Variants in DHRSX observed in about 807,000 individuals in gnomAD.
DHRSX encodes polyprenol dehydrogenase.
In DHRSX, 31 loss-of-function variants were observed where a neutral mutation model predicts 34.0. The ratio of observed to expected loss-of-function variants is 0.91; its 90% CI spans 0.69 to 1.23. The LOEUF (loss-of-function observed/expected upper bound fraction) is 1.23, where lower values mean the gene tolerates loss of function less well. Ranked by LOEUF, DHRSX falls within the 50% of genes most tolerant of loss-of-function variation. The probability of loss-of-function intolerance (pLI) is 0.00; values close to 1 mark genes in which losing one functional copy is unlikely to be tolerated. For missense variants in DHRSX, 414 were observed against 428.1 expected, an observed-to-expected ratio of 0.97 and a Z score of 0.29; for synonymous variants, 201 against 183.8, an observed-to-expected ratio of 1.09 and a Z score of -0.76.
At chrX:2,488,565 G>T (rs2045012510) in intron 1 of DHRSX, 2 of 1,507,762 alleles carry the variant, frequency 1.3e-6, no homozygotes, top group Admixed American at 2.3e-5. Context: ...AAGCTGACCG[G>T]GTAAGTATTT....
At chrX:2,484,510 C>G (rs145674561) in intron 1 of DHRSX, among the ~76,000 whole-genome samples, 2 of 152,182 alleles carry the variant, frequency 1.3e-5, no homozygotes. Flanking sequence ...CAGAAAGGAA[C>G]TCATGCAGTT....
chrX:2,224,728 A>G (rs1396699671), intron 6 of DHRSX, among the ~76,000 whole-genome samples: 1 of 152,112 alleles, frequency 6.6e-6, no homozygotes, highest in Admixed American at 6.6e-5. Context: ...ATACTCATGC[A>G]TACGCACACA....
Position 2,346,097 on chromosome X carries a change from C to G in DHRSX, c.287-54494G>C, listed in dbSNP as rs751096956. Among the ~76,000 whole-genome samples the G allele has an allele frequency of 2.6e-5, 4 of 152,252 alleles. No individual in the cohort carries two copies. In the South Asian group the frequency reaches 8.3e-4, roughly 32 times the overall value. On this transcript the variant is annotated intron_variant, in intron 3 of 6. Coordinates refer to ENST00000334651, the MANE Select transcript of DHRSX (RefSeq NM_145177.3). Reference sequence around the variant, plus strand: ...AGGAGGAATTTCATCCAGGAAAGCTCTTTGCCTCCTTGTAGACCCGATGAA... The same window carrying G: ...AGGAGGAATTTCATCCAGGAAAGCTGTTTGCCTCCTTGTAGACCCGATGAA...
At chrX:2,364,632 A>G (rs1338598551) in intron 3 of DHRSX, among the ~76,000 whole-genome samples, 1 of 152,126 alleles carries the variant, frequency 6.6e-6, no homozygotes. Context: ...GCATCTACTT[A>G]TCTATCTACC....
intron 3 of DHRSX, among the ~76,000 whole-genome samples, chrX:2,351,972 G>A (rs2042793849): frequency 6.6e-6 from 1 of 152,074 alleles, no homozygotes; most frequent in Non-Finnish European, 1.5e-5. Flanking sequence ...CACCCGCCTC[G>A]GCCTCCCAAA....
intron 3 of DHRSX, among the ~76,000 whole-genome samples, chrX:2,291,896 A>T (rs752521813): frequency 0.025 from 2,388 of 95,834 alleles, 86 homozygotes; most frequent in African/African-American, 0.083. Context: ...GTATTTTTGT[A>T]TTTTTTTTTT....
rs1236830992 is a variant in DHRSX at position 2,432,133 on chromosome X, G to C, written c.110-6829C>G. On this transcript the variant is annotated intron_variant, in intron 1 of 6. Transcript: ENST00000334651. Reference sequence around the variant, plus strand: ...CGCTTGAACCCGGGAGGTGGAGCTTGCAGTGAGCTGAGATCACGCCAGTGC... The same window carrying C: ...CGCTTGAACCCGGGAGGTGGAGCTTCCAGTGAGCTGAGATCACGCCAGTGC... Among the ~76,000 whole-genome samples the C allele has an allele frequency of 2.0e-5, 3 of 152,182 alleles. 1 individual carries two copies. The highest frequency in any genetic ancestry group is 6.8e-3 in the Middle Eastern group (2 of 294).
chrX:2,377,873 G>A (rs1221507203), intron 3 of DHRSX, among the ~76,000 whole-genome samples: 1 of 151,992 alleles, frequency 6.6e-6, no homozygotes, highest in Non-Finnish European at 1.5e-5. Flanking sequence ...TGAGTAGCTG[G>A]GACTACAGGT....
At chrX:2,342,278 C>T (rs1262959437) in intron 3 of DHRSX, among the ~76,000 whole-genome samples, 1 of 152,088 alleles carries the variant, frequency 6.6e-6, no homozygotes, top group Non-Finnish European at 1.5e-5. Flanking sequence ...CTGATATCTG[C>T]ATTTGGTGTT....
At chrX:2,481,559 AGGAG>A (rs2044771551) in intron 1 of DHRSX, among the ~76,000 whole-genome samples, 1 of 151,930 alleles carries the variant, frequency 6.6e-6, no homozygotes, top group South Asian at 2.1e-4. Context: ...CCAGCTACTC[AGGAG>A]GCTGAGACAG....
Position 2,377,941 on chromosome X carries a change from T to C in DHRSX, c.286+30804A>G, listed in dbSNP as rs777736433. On this transcript the variant is annotated intron_variant, in intron 3 of 6. Transcript: ENST00000334651. The stretch of plus-strand genomic sequence containing the variant: ...GTTTAGTAGAGATGGAGTTTCACCA[T>C]GTTGGCCAGGATGGCCTCGATCTCT... Among the ~76,000 whole-genome samples, 4 of 152,276 alleles carry C rather than the reference T, an allele frequency of 2.6e-5. No individual in the cohort carries two copies. The East Asian group carries it at 5.8e-4, about 22-fold the overall frequency.
chrX:2,408,858 T>C (rs2043592157), intron 2 of DHRSX, 45 bp from the exon 3 acceptor site: 2 of 1,479,854 alleles, frequency 1.4e-6, no homozygotes, highest in Non-Finnish European at 1.8e-6. Context: ...TGTAGGATTA[T>C]CCAGAAACTA....
Position 2,288,702 on chromosome X carries a change from T to C in DHRSX, c.388+2800A>G, listed in dbSNP as rs749170771. Among the ~76,000 whole-genome samples, 35 of 152,272 alleles carry C rather than the reference T, an allele frequency of 2.3e-4. No individual in the cohort carries two copies. The East Asian group carries it at 5.4e-3, about 24-fold the overall frequency. Reference sequence around the variant, plus strand: ...TGAGGCATTGAGCGAAGGTAAAAGGTCTTAGCATGGAAGAAAGGTCTAGAT... The same window carrying C: ...TGAGGCATTGAGCGAAGGTAAAAGGCCTTAGCATGGAAGAAAGGTCTAGAT... On this transcript the variant is annotated intron_variant, in intron 4 of 6. Transcript: ENST00000334651.
At chrX:2,496,730 A>G (rs2045294557) in intron 1 of DHRSX, among the ~76,000 whole-genome samples, 1 of 152,010 alleles carries the variant, frequency 6.6e-6, no homozygotes, top group South Asian at 2.1e-4. Flanking sequence ...CCACAATGCA[A>G]ACATACAGCA....
At chrX:2,351,709 C>T (rs188654128) in intron 3 of DHRSX, among the ~76,000 whole-genome samples, 341 of 152,232 alleles carry the variant, frequency 2.2e-3, no homozygotes, top group South Asian at 0.011. Context: ...AACCCTGGAC[C>T]ACCTGGGTGA....
intron 3 of DHRSX, among the ~76,000 whole-genome samples, chrX:2,336,064 G>A (rs2042556919): frequency 6.6e-6 from 1 of 151,864 alleles, no homozygotes; most frequent in Non-Finnish European, 1.5e-5. Flanking sequence ...AGGGAGTGCA[G>A]TGGCGTGATC....
intron 6 of DHRSX, among the ~76,000 whole-genome samples, chrX:2,222,717 G>C (rs1326457441): frequency 6.6e-6 from 1 of 152,174 alleles, no homozygotes; most frequent in African/African-American, 2.4e-5. Flanking sequence ...GCACTGGTGA[G>C]AGTTCAGGCA....
At chrX:2,414,626 A>T (rs1173943914) in intron 2 of DHRSX, among the ~76,000 whole-genome samples, 1 of 152,068 alleles carries the variant, frequency 6.6e-6, no homozygotes, top group African/African-American at 2.4e-5. Context: ...AACCAAACCA[A>T]CTAGACCTCA....
At chrX:2,231,067 C>CA (rs1484332314) in intron 6 of DHRSX, among the ~76,000 whole-genome samples, 1 of 152,136 alleles carries the variant, frequency 6.6e-6, no homozygotes, top group Non-Finnish European at 1.5e-5. Context: ...ATCAAAAGCA[C>CA]AGAGACTGCT....
Sources: allele counts gnomAD v4.1 joint callset (sites outside exome capture counted in the v4.1 genomes callset), GRCh38; gene constraint gnomAD v4.1.1; transcripts MANE v1.5; gene names NCBI Gene and HGNC (gene_info 2026-07-23, HGNC 2026-07-21).